HS3ST5: variants seen among roughly 807,000 people sequenced by gnomAD.
The protein encoded by HS3ST5 is heparan sulfate-glucosamine 3-sulfotransferase 5.
HS3ST5 carries 10 observed loss-of-function variants against 25.4 expected under a neutral mutation model. The ratio of observed to expected loss-of-function variants is 0.39; its 90% CI spans 0.24 to 0.67. The LOEUF (loss-of-function observed/expected upper bound fraction) is 0.67, where lower values mean the gene tolerates loss of function less well. HS3ST5 is among the 30% of genes least tolerant of loss of function. The pLI, the probability that HS3ST5 is intolerant of heterozygous loss-of-function variation, is 0.44. For missense variants in HS3ST5, 324 were observed against 420.7 expected (o/e 0.77, Z 2.01); for synonymous variants, 170 against 162.4 (o/e 1.05, Z -0.36).
chr6:114,132,092 T>C (rs923843733), intron 3 of HS3ST5: 6 of 152,158 alleles, frequency 3.9e-5, no homozygotes, highest in African/African-American at 1.4e-4. Context: ...TATATCATAG[T>C]TGAGAGGTTC....
chr6:114,170,533 G>A (rs975090762), intron 2 of HS3ST5, among the ~76,000 whole-genome samples: 1 of 152,122 alleles, frequency 6.6e-6, no homozygotes, highest in Non-Finnish European at 1.5e-5. Flanking sequence ...CTACAGTACT[G>A]TCAGTTGGAA....
chr6:114,218,905 T>C (rs1022941007), intron 2 of HS3ST5, among the ~76,000 whole-genome samples: 1 of 152,242 alleles, frequency 6.6e-6, no homozygotes, highest in Non-Finnish European at 1.5e-5. Context: ...TGTCAATCCA[T>C]ACAGAAATTT....
intron 1 of HS3ST5, chr6:114,235,896 G>A (rs1054198086): frequency 1.3e-5 from 2 of 152,192 alleles, no homozygotes; most frequent in African/African-American, 4.8e-5. Flanking sequence ...CCAGGTAGGG[G>A]ACACAAAGAA....
At chr6:114,292,592 A>G (rs1419164853) in intron 1 of HS3ST5, among the ~76,000 whole-genome samples, 1 of 152,206 alleles carries the variant, frequency 6.6e-6, no homozygotes, top group Non-Finnish European at 1.5e-5. Flanking sequence ...AATGAATATT[A>G]AGGCATACAT....
At chr6:114,195,460 G>A (rs1029128526) in intron 2 of HS3ST5, among the ~76,000 whole-genome samples, 1 of 151,986 alleles carries the variant, frequency 6.6e-6, no homozygotes, top group Non-Finnish European at 1.5e-5. Context: ...GGCTTGGAGT[G>A]TGCCTTCCAC....
chr6:114,236,863 T>C (rs547752449), intron 1 of HS3ST5, among the ~76,000 whole-genome samples: 38 of 152,320 alleles, frequency 2.5e-4, no homozygotes, highest in African/African-American at 7.0e-4. Context: ...ATAGGCTCAA[T>C]AGATATAAAC....
chr6:114,277,292 A>G (rs1171803013), intron 1 of HS3ST5, among the ~76,000 whole-genome samples: 2 of 151,624 alleles, frequency 1.3e-5, no homozygotes, highest in Admixed American at 6.6e-5. Flanking sequence ...TAGAGTATCA[A>G]TATGGTATTG....
chr6:114,314,144 T>C (rs1775655895), intron 1 of HS3ST5, among the ~76,000 whole-genome samples: 1 of 152,166 alleles, frequency 6.6e-6, no homozygotes, highest in Admixed American at 6.5e-5. Flanking sequence ...GCCAGGCTGG[T>C]CTTGAACTCC....
chr6:114,281,837 T>G (rs994662883), intron 1 of HS3ST5: 2 of 151,884 alleles, frequency 1.3e-5, no homozygotes, highest in Non-Finnish European at 2.9e-5. Context: ...CGCATGACAA[T>G]TAACATCCTT....
intron 1 of HS3ST5, among the ~76,000 whole-genome samples, chr6:114,239,497 T>C (rs1716558061): frequency 6.6e-6 from 1 of 152,170 alleles, no homozygotes; most frequent in Admixed American, 6.5e-5. Flanking sequence ...AGGTAAACAA[T>C]AAGCATACAA....
chr6:114,121,010 A>G (rs1483128711), intron 3 of HS3ST5, among the ~76,000 whole-genome samples: 1 of 152,250 alleles, frequency 6.6e-6, no homozygotes, highest in African/African-American at 2.4e-5. Context: ...AGCATTCTGG[A>G]AGAATAATTG....
At chr6:114,313,205 C>T (rs552938841) in intron 1 of HS3ST5, among the ~76,000 whole-genome samples, 4 of 152,056 alleles carry the variant, frequency 2.6e-5, no homozygotes, top group Admixed American at 2.0e-4. Flanking sequence ...ACCAACAATA[C>T]CAAGATATTG....
intron 3 of HS3ST5, among the ~76,000 whole-genome samples, chr6:114,120,955 A>G (rs887049725): frequency 1.3e-5 from 2 of 152,228 alleles, no homozygotes; most frequent in Non-Finnish European, 2.9e-5. Flanking sequence ...GCATCTGAGA[A>G]TATAACTCAG....
intron 3 of HS3ST5, among the ~76,000 whole-genome samples, chr6:114,102,559 A>G (rs1212780378): frequency 7.2e-5 from 11 of 152,118 alleles, no homozygotes; most frequent in Non-Finnish European, 1.6e-4. Flanking sequence ...AAGGTAATAA[A>G]CTTGGACCAC....
At position 114,270,578 on chromosome 6, in the gene HS3ST5, G is replaced by T. The variant is rs181633232; in HGVS notation, c.-338-41800C>A. 6.6e-4 allele frequency among the ~76,000 whole-genome samples: 100 copies of T among 152,228 alleles called. 1 individual carries two copies. The highest frequency in any genetic ancestry group is 2.3e-3 in the African/African-American group (95 of 41,542). ...CATTTAAATTGACTTAAATGGGCAGGAGGCAGCATATGCTGTAGAGACAGC... is the reference window on the plus strand; with the variant it reads ...CATTTAAATTGACTTAAATGGGCAGTAGGCAGCATATGCTGTAGAGACAGC... On this transcript the variant is annotated intron_variant, in intron 1 of 4. Coordinates refer to ENST00000312719, the MANE Select transcript of HS3ST5 (RefSeq NM_153612.4).
intron 2 of HS3ST5, among the ~76,000 whole-genome samples, chr6:114,182,112 G>C (rs1276644047): frequency 6.6e-6 from 1 of 151,858 alleles, no homozygotes; most frequent in Non-Finnish European, 1.5e-5. Context: ...CATATATATT[G>C]CCATATTTAT....
intron 3 of HS3ST5, among the ~76,000 whole-genome samples, chr6:114,089,973 C>T (rs1775036751): frequency 6.6e-6 from 1 of 152,142 alleles, no homozygotes; most frequent in African/African-American, 2.4e-5. Flanking sequence ...TGGGGGTACT[C>T]TTGCATTTCT....
intron 1 of HS3ST5, among the ~76,000 whole-genome samples, chr6:114,266,685 CACCAAGA>C (rs1270707534): frequency 6.6e-6 from 1 of 152,140 alleles, no homozygotes; most frequent in Non-Finnish European, 1.5e-5. Flanking sequence ...ACATATATAT[CACCAAGA>C]ACTTGTGGTA....
At chr6:114,126,827 C>T (rs532152535) in intron 3 of HS3ST5, among the ~76,000 whole-genome samples, 16 of 152,178 alleles carry the variant, frequency 1.1e-4, no homozygotes, top group Admixed American at 2.0e-4. Flanking sequence ...GTCATGGGAG[C>T]CATCCTTGTA....
Sources: allele counts gnomAD v4.1 joint callset (sites outside exome capture counted in the v4.1 genomes callset), GRCh38; gene constraint gnomAD v4.1.1; transcripts MANE v1.5; gene names NCBI Gene and HGNC (gene_info 2026-07-23, HGNC 2026-07-21).